EFCAB3: variants seen among roughly 807,000 people sequenced by gnomAD.
The protein encoded by EFCAB3 is EF-hand calcium binding domain 3, also known as EF-hand calcium-binding domain-containing protein 3.
A neutral mutation model predicts 42.2 loss-of-function variants in EFCAB3; 36 were observed. The observed-to-expected ratio is 0.85, with a 90% CI of 0.65 to 1.13. EFCAB3 has a LOEUF of 1.13. Among genes scored for constraint, EFCAB3 ranks in the 50% most tolerant of loss-of-function variants. EFCAB3 has a pLI of 0.00. For synonymous variants in EFCAB3, 170 were observed against 172.8 expected, an observed-to-expected ratio of 0.98 and a Z score of 0.13; for missense variants, 418 against 505.1, an observed-to-expected ratio of 0.83 and a Z score of 1.65.
At position 62,409,010 on chromosome 17, in the gene EFCAB3, C is replaced by T. The variant is rs544130349; in HGVS notation, c.867+1798C>T. Among the ~76,000 whole-genome samples, 83 of 152,330 alleles carry T rather than the reference C, an allele frequency of 5.4e-4. No individual in the cohort carries two copies. The South Asian group carries it at 6.4e-3, about 12-fold the overall frequency. ...CACATTGTCATTGTACTAAATGCCACTGAATTGTTCACTTCACATGGTTCA... is the reference window on the plus strand; with the variant it reads ...CACATTGTCATTGTACTAAATGCCATTGAATTGTTCACTTCACATGGTTCA... On this transcript the variant is annotated intron_variant, in intron 8 of 9. Transcript: ENST00000305286.
At chr17:62,412,686 C>T (rs2070509788) in intron 8 of EFCAB3, among the ~76,000 whole-genome samples, 1 of 151,762 alleles carries the variant, frequency 6.6e-6, no homozygotes, top group Non-Finnish European at 1.5e-5. Flanking sequence ...TCTTGAACTC[C>T]TGGGCTCAAG....
Position 62,389,081 on chromosome 17 carries a change from C to T in EFCAB3, c.151+1665C>T, listed in dbSNP as rs2070280622. Among the ~76,000 whole-genome samples the T allele has an allele frequency of 2.0e-5, 3 of 152,288 alleles. No homozygotes were observed. In the South Asian group the frequency reaches 6.2e-4, roughly 32 times the overall value. ...GCACCAGGGTCAGTCAGGAAGTGGG[C>T]AGGGGCAGCATGTGGACAAGAAACT... On this transcript the variant is annotated intron_variant, in intron 3 of 9. Transcript: ENST00000305286.
intron 2 of EFCAB3, among the ~76,000 whole-genome samples, chr17:62,386,017 G>A (rs1045195337): frequency 1.3e-5 from 2 of 151,590 alleles, no homozygotes; most frequent in Non-Finnish European, 2.9e-5. Context: ...ATGAGCCACC[G>A]CACCCGGCCT....
At chr17:62,406,723 A>G in intron 7 of EFCAB3, 50 bp downstream of exon 7, 1 of 1,588,628 alleles carries the variant, frequency 6.3e-7, no homozygotes, top group South Asian at 1.1e-5. Flanking sequence ...TTATTTGTAT[A>G]TGACTGGTCA....
At chr17:62,382,211 T>C (rs1185487916) in intron 1 of EFCAB3, among the ~76,000 whole-genome samples, 1 of 152,246 alleles carries the variant, frequency 6.6e-6, no homozygotes, top group Non-Finnish European at 1.5e-5. Flanking sequence ...TTGTCAATTA[T>C]GACTTGAAAT....
chr17:62,397,304 G>C (rs1035331980), intron 6 of EFCAB3: 2 of 304,138 alleles, frequency 6.6e-6, no homozygotes, highest in Admixed American at 4.2e-5. Context: ...TGGATCACTT[G>C]AGTCCATGAG....
intron 1 of EFCAB3, chr17:62,381,869 C>T (rs878862072): frequency 1.4e-5 from 6 of 424,652 alleles, no homozygotes; most frequent in South Asian, 5.6e-5. Flanking sequence ...GTGTACCTGC[C>T]GGTGGGGCTG....
intron 9 of EFCAB3, among the ~76,000 whole-genome samples, 159 bp from the exon 10 acceptor site, chr17:62,415,844 C>T (rs1476169063): frequency 6.6e-6 from 1 of 152,154 alleles, no homozygotes; most frequent in Admixed American, 6.6e-5. Context: ...TTGTCCATCA[C>T]CTCCTAGCTC....
At chr17:62,393,364 C>T (rs1253381606) in intron 4 of EFCAB3, among the ~76,000 whole-genome samples, 6 of 152,136 alleles carry the variant, frequency 3.9e-5, no homozygotes, top group Non-Finnish European at 7.4e-5. Flanking sequence ...TTTACAACCA[C>T]CGTTGCTTCT....
In EFCAB3 at chr17:62,385,918, G is replaced by A. The variant is rs181165637; in HGVS notation, c.75-1422G>A. 8.4e-4 allele frequency among the ~76,000 whole-genome samples: 126 copies of A among 150,114 alleles called. No individual in the cohort carries two copies. In the East Asian group the frequency reaches 0.01, roughly 12 times the overall value. On this transcript the variant is annotated intron_variant, in intron 2 of 9. Coordinates refer to ENST00000305286, the MANE Select transcript of EFCAB3 (RefSeq NM_173503.4). ...TTTTTTTTTAATTTTTAGTAGAGGC[G>A]GGGTTTCACCATGTTAGCCAGGATG...
At chr17:62,389,812 TTTTA>T (rs1198916255) in intron 3 of EFCAB3, among the ~76,000 whole-genome samples, 1 of 70,608 alleles carries the variant, frequency 1.4e-5, no homozygotes, top group East Asian at 2.4e-4. Context: ...ATTATTTAAT[TTTTA>T]TTTATTTATT....
chr17:62,386,155 T>C (rs2070248848), intron 2 of EFCAB3, among the ~76,000 whole-genome samples: 1 of 152,170 alleles, frequency 6.6e-6, no homozygotes, highest in African/African-American at 2.4e-5. Context: ...TGGTTATAAT[T>C]AAATTTTGGA....
At chr17:62,386,503 G>A (rs1239244524) in intron 2 of EFCAB3, among the ~76,000 whole-genome samples, 1 of 151,996 alleles carries the variant, frequency 6.6e-6, no homozygotes, top group Non-Finnish European at 1.5e-5. Context: ...CATAGATACA[G>A]AGGTTTCTCT....
upstream of EFCAB3, among the ~76,000 whole-genome samples, chr17:62,378,907 A>G (rs893748570): frequency 6.6e-6 from 1 of 151,362 alleles, no homozygotes; most frequent in African/African-American, 2.5e-5. Context: ...CATGTGTCCC[A>G]GAACTTAAAG....
chr17:62,390,635 T>G (rs902561447), intron 3 of EFCAB3, among the ~76,000 whole-genome samples: 2 of 152,218 alleles, frequency 1.3e-5, no homozygotes, highest in African/African-American at 4.8e-5. Flanking sequence ...AATCAATATT[T>G]GTTGACTGCC....
chr17:62,399,290 C>T (rs1170891097), intron 6 of EFCAB3, among the ~76,000 whole-genome samples: 1 of 151,916 alleles, frequency 6.6e-6, no homozygotes, highest in East Asian at 1.9e-4. Flanking sequence ...ATCTCAGCCT[C>T]CCAAATGCCT....
At chr17:62,378,883 C>T (rs942803273), upstream of EFCAB3, among the ~76,000 whole-genome samples, 1 of 150,434 alleles carries the variant, frequency 6.6e-6, no homozygotes, top group Non-Finnish European at 1.5e-5. Flanking sequence ...TATAACAAAC[C>T]TGCACGTTCT....
intron 6 of EFCAB3, among the ~76,000 whole-genome samples, chr17:62,395,817 A>C (rs190979188): frequency 5.9e-5 from 9 of 152,188 alleles, no homozygotes; most frequent in Non-Finnish European, 8.8e-5. Flanking sequence ...TCTTAAACAA[A>C]TGTTGCTATT....
chr17:62,377,715 C>T (rs8073135), upstream of EFCAB3, among the ~76,000 whole-genome samples: 27,149 of 152,104 alleles, frequency 0.18, 2,512 homozygotes, highest in Middle Eastern at 0.23. Context: ...TTCTTTACAT[C>T]CTAAAAGATG....
Sources: allele counts gnomAD v4.1 joint callset (sites outside exome capture counted in the v4.1 genomes callset), GRCh38; gene constraint gnomAD v4.1.1; transcripts MANE v1.5; gene names NCBI Gene and HGNC (gene_info 2026-07-23, HGNC 2026-07-21).